Variants in HDHD2 observed in about 807,000 individuals in gnomAD.
HDHD2 encodes the protein haloacid dehalogenase-like hydrolase domain-containing protein 2.
Under a neutral mutation model 24.8 loss-of-function variants are expected in HDHD2, and 26 were observed. That is an observed-to-expected ratio of 1.05 (90% CI 0.77 to 1.45). The LOEUF (loss-of-function observed/expected upper bound fraction) is 1.45. HDHD2 is among the 40% of genes most tolerant of loss of function. HDHD2 has a pLI of 0.00. For missense variants in HDHD2, 299 were observed against 313.4 expected, an observed-to-expected ratio of 0.95 and a Z score of 0.35; for synonymous variants, 128 against 114.9, an observed-to-expected ratio of 1.11 and a Z score of -0.73.
At chr18:47,119,613 CAA>C (rs1437548786) in intron 4 of HDHD2, among the ~76,000 whole-genome samples, 1 of 152,318 alleles carries the variant, frequency 6.6e-6, no homozygotes, top group East Asian at 1.9e-4. Flanking sequence ...TTGAACCCCT[CAA>C]AGTCATCCAT....
At chr18:47,112,931 T>A (rs762816372) in intron 6 of HDHD2, 46 bp downstream of exon 6, 3 of 1,476,734 alleles carry the variant, frequency 2.0e-6, no homozygotes, top group African/African-American at 1.4e-5. Context: ...CAACTGTGTA[T>A]TCTACTATTC....
intron 6 of HDHD2, chr18:47,111,646 A>C (rs2063517237): frequency 2.0e-6 from 2 of 985,320 alleles, no homozygotes; most frequent in African/African-American, 1.7e-5. Context: ...TGTTAATTCT[A>C]GAGTGACTGG....
At chr18:47,140,485 T>C (rs1262062341) in intron 1 of HDHD2, among the ~76,000 whole-genome samples, 1 of 152,210 alleles carries the variant, frequency 6.6e-6, no homozygotes. Context: ...TTTTTTGTTG[T>C]TATTGTTGTT....
intron 6 of HDHD2, chr18:47,110,546 G>C (rs1407734340): frequency 2.0e-6 from 2 of 985,374 alleles, no homozygotes; most frequent in East Asian, 2.3e-4. Context: ...GGAGTTAAAG[G>C]CTTTTGCTTA....
chr18:47,142,138 T>C (rs190261750), intron 1 of HDHD2, among the ~76,000 whole-genome samples: 2 of 152,358 alleles, frequency 1.3e-5, no homozygotes, highest in East Asian at 3.8e-4. Context: ...GTCTTGGGTA[T>C]GTCCTTACAG....
chr18:47,112,876 A>G (rs2144278838), intron 6 of HDHD2, 101 bp downstream of exon 6: 2 of 963,942 alleles, frequency 2.1e-6, no homozygotes, highest in East Asian at 2.6e-5. Context: ...GAAGAGAATA[A>G]AAGTGCCCAG....
intron 5 of HDHD2, among the ~76,000 whole-genome samples, chr18:47,113,497 A>G (rs2063532882): frequency 6.6e-6 from 1 of 152,182 alleles, no homozygotes; most frequent in Non-Finnish European, 1.5e-5. Flanking sequence ...CCTAACAGGT[A>G]GAATCAAGTT....
At chr18:47,150,137 C>T (rs1293282635) in intron 1 of HDHD2, 1 of 152,290 alleles carries the variant, frequency 6.6e-6, no homozygotes, top group Non-Finnish European at 1.5e-5. Context: ...CTTCACGATC[C>T]GCCCCGCAGA....
At chr18:47,118,040 C>G (rs914039537) in intron 4 of HDHD2, among the ~76,000 whole-genome samples, 9 of 151,678 alleles carry the variant, frequency 5.9e-5, no homozygotes, top group Non-Finnish European at 1.3e-4. Flanking sequence ...TTTAAAGGCA[C>G]AAAGAAGGCC....
chr18:47,133,114 T>C (rs910312664), intron 3 of HDHD2, among the ~76,000 whole-genome samples: 3 of 152,040 alleles, frequency 2.0e-5, no homozygotes, highest in African/African-American at 4.8e-5. Context: ...TCATTTACAT[T>C]AGGTATATCT....
At position 47,108,534 on chromosome 18, in the gene HDHD2, C is replaced by T. The variant is rs762273362; in HGVS notation, c.*148G>A. 29 of 488,156 alleles carry T rather than the reference C, an allele frequency of 5.9e-5. No individual in the cohort carries two copies. Among genetic ancestry groups the T allele is most frequent in the Non-Finnish European group, 9.7e-5 (27 of 279,706 alleles). 30.2% of individuals were successfully genotyped at this position (488,156 alleles called of 1,614,324 possible). On this transcript the variant is annotated 3_prime_UTR_variant, in exon 7 of 7. Transcript: ENST00000300605. Reference sequence around the variant, plus strand: ...TTACTGGCTAGCCGCAATTCAATACCTTTCTTTCTAATTAATGCACAACAA... The same window carrying T: ...TTACTGGCTAGCCGCAATTCAATACTTTTCTTTCTAATTAATGCACAACAA...
At chr18:47,136,226 T>C (rs2063764479) in intron 2 of HDHD2, 113 bp downstream of exon 2, 3 of 1,314,808 alleles carry the variant, frequency 2.3e-6, no homozygotes, top group Admixed American at 2.3e-5. Flanking sequence ...AGTTCCTATA[T>C]ATGGTTAAGA....
intron 2 of HDHD2, among the ~76,000 whole-genome samples, chr18:47,135,513 G>A (rs1379203056): frequency 3.9e-5 from 6 of 151,954 alleles, no homozygotes; most frequent in Admixed American, 2.0e-4. Context: ...CACCCGCCTC[G>A]GCCTCCCAAA....
intron 1 of HDHD2, among the ~76,000 whole-genome samples, chr18:47,144,236 T>G (rs1018579504): frequency 1.3e-5 from 2 of 152,134 alleles, no homozygotes; most frequent in African/African-American, 4.8e-5. Flanking sequence ...TTAAGTTATC[T>G]TTTTCCCCAT....
chr18:47,144,660 G>A (rs1433823836), intron 1 of HDHD2, among the ~76,000 whole-genome samples: 3 of 151,770 alleles, frequency 2.0e-5, no homozygotes, highest in Non-Finnish European at 2.9e-5. Context: ...ATAGCCAAGC[G>A]TGGTAGCATG....
intron 1 of HDHD2, among the ~76,000 whole-genome samples, chr18:47,140,758 C>T (rs1429609966): frequency 2.0e-5 from 3 of 152,186 alleles, no homozygotes; most frequent in African/African-American, 7.2e-5. Context: ...CTCAAGTGAT[C>T]CTCCCACCTT....
chr18:47,141,024 T>C (rs189333041), intron 1 of HDHD2, among the ~76,000 whole-genome samples: 1 of 152,240 alleles, frequency 6.6e-6, no homozygotes, highest in Non-Finnish European at 1.5e-5. Flanking sequence ...ATAGAAGTAG[T>C]GATAGCATGC....
Position 47,127,190 on chromosome 18 carries a change from T to C in HDHD2, c.395+3054A>G, listed in dbSNP as rs528365416. Among the ~76,000 whole-genome samples the C allele has an allele frequency of 8.8e-4, 133 of 151,936 alleles. 1 individual carries two copies. Among genetic ancestry groups the C allele is most frequent in the African/African-American group, 3.1e-3 (129 of 41,450 alleles). On this transcript the variant is annotated intron_variant, in intron 4 of 6. Transcript: ENST00000300605. ...AAAAAACCTGCAATACCAACAGCAATAGGAACTTGTGGCAAAGCAATTCAT... is the reference window on the plus strand; with the variant it reads ...AAAAAACCTGCAATACCAACAGCAACAGGAACTTGTGGCAAAGCAATTCAT...
chr18:47,108,456 TCC>T lies in HDHD2; in HGVS notation c.*224_*225del. The T allele has an allele frequency of 5.0e-6, 2 of 398,674 alleles. No individual in the cohort carries two copies. The highest frequency in any genetic ancestry group is 4.1e-5 in the African/African-American group (2 of 48,362). The allele number at this position is 398,674 out of a possible 1,614,324, so 24.7% of individuals were successfully genotyped here. A position where few individuals can be genotyped will look rare whatever the true frequency, so the allele number is the denominator to read the frequency against. On this transcript the variant is annotated 3_prime_UTR_variant, in exon 7 of 7. Coordinates refer to ENST00000300605, the MANE Select transcript of HDHD2 (RefSeq NM_032124.5). ...AAGGAATGGCACAAAATCTCAGCTT[TCC>T]CTTTCTTTGGGTCTCATCTTCAGTT... is the stretch of plus-strand genomic sequence containing the variant.
Sources: gnomAD v4.1 joint callset for allele counts (sites outside exome capture counted in the v4.1 genomes callset) on GRCh38, gnomAD v4.1.1 for gene constraint, MANE v1.5 for transcripts, NCBI Gene and HGNC (gene_info 2026-07-23, HGNC 2026-07-21) for gene names.